ADAMTS1: variants seen among roughly 807,000 people sequenced by gnomAD.
The protein encoded by ADAMTS1 is ADAM metallopeptidase with thrombospondin type 1 motif 1, also known as A disintegrin and metalloproteinase with thrombospondin motifs 1.
Under a neutral mutation model 87.9 loss-of-function variants are expected in ADAMTS1, and 19 were observed. The ratio of observed to expected loss-of-function variants is 0.22; its 90% CI spans 0.15 to 0.32. ADAMTS1 has a LOEUF of 0.32. Ranked by LOEUF, ADAMTS1 falls within the 10% of genes least tolerant of loss-of-function variation. The pLI is 1.00. For synonymous variants in ADAMTS1, 542 were observed against 501.8 expected (o/e 1.08, Z -1.07); for missense variants, 1,240 against 1,259.1 (o/e 0.98, Z 0.23).
chr21:26,843,006 C>A (rs2830551), intron 1 of ADAMTS1: 39,974 of 320,992 alleles, frequency 0.12, 3,166 homozygotes, highest in Admixed American at 0.25. Context: ...GTAGTAAAAT[C>A]TTGGAGCAAG....
chr21:26,842,593 C>G lies in ADAMTS1; in HGVS notation c.823G>C (p.Gly275Arg), dbSNP rs745728990. 6.2e-7 allele frequency: 1 copy of G among 1,614,092 alleles called. No homozygotes were observed. The highest frequency in any genetic ancestry group is 8.5e-7 in the Non-Finnish European group (1 of 1,180,020). Residue 275 changes from glycine to arginine, a missense_variant, in exon 2 of 9, where the codon GGC (glycine) becomes CGC (arginine). Physicochemically the swap from Gly to Arg is moderately radical, Grantham distance 125 (BLOSUM62 -2). Transcript: ENST00000284984. Reference sequence around the variant, plus strand: ...AGAAGGTAATGCTTTAGACCACTGCCGTGGAATTCTGCCATCGACTGGTCT... The same window carrying G: ...AGAAGGTAATGCTTTAGACCACTGCGGTGGAATTCTGCCATCGACTGGTCT... The part of the protein sequence containing the change: ...VADQSMAEFH[G>R]SGLKHYLLTL...
At chr21:26,839,487 T>C (rs1985444683) in intron 7 of ADAMTS1, 100 bp downstream of exon 7, 2 of 1,104,964 alleles carry the variant, frequency 1.8e-6, no homozygotes, top group African/African-American at 1.6e-5. Context: ...ATTGAAGATA[T>C]GTTAATATGG....
At chr21:26,841,612 AC>A (rs1322632568) in intron 3 of ADAMTS1, 2 of 400,392 alleles carry the variant, frequency 5.0e-6, no homozygotes, top group African/African-American at 2.0e-5. Flanking sequence ...TCTTTTGCAG[AC>A]CATGTCTACT....
intron 1 of ADAMTS1, 82 bp from the exon 2 acceptor site, chr21:26,842,767 C>T: frequency 8.0e-7 from 1 of 1,244,370 alleles, no homozygotes; most frequent in Non-Finnish European, 1.1e-6. Flanking sequence ...GAAAGCCTAA[C>T]CAGTCAAAGC....
chr21:26,844,687 G>A lies in ADAMTS1; in HGVS notation c.268C>T (p.Arg90Trp). 1 of 1,594,050 alleles carries A rather than the reference G, an allele frequency of 6.3e-7. No individual in the cohort carries two copies. Among genetic ancestry groups the A allele is most frequent in the Non-Finnish European group, 8.5e-7 (1 of 1,170,818 alleles). Reference protein sequence around the residue: ...AFDQQLDLELRPDSSFLAPGF... With the variant: ...AFDQQLDLELWPDSSFLAPGF... ...GGCGCCAAAAAGCTGCTGTCGGGCC[G>A]CAGCTCCAGATCCAGCTGCTGGTCA... Residue 90 changes from arginine to tryptophan, a missense_variant, in exon 1 of 9, where the codon CGG (arginine) becomes TGG (tryptophan). Around this residue, in one of 3 missense-constraint regions of ADAMTS1, gnomAD observed 521 missense variants for 449.7 expected, o/e 1.16. Transcript: ENST00000284984.
chr21:26,836,033 T>C lies in ADAMTS1; in HGVS notation c.*1546A>G, dbSNP rs1195959111. The C allele has an allele frequency of 6.6e-6, 1 of 152,230 alleles. No homozygotes were observed. The highest frequency in any genetic ancestry group is 1.5e-5 in the Non-Finnish European group (1 of 68,036). 9.4% of individuals were successfully genotyped at this position (152,230 alleles called of 1,614,324 possible). A position where few individuals can be genotyped will look rare whatever the true frequency, so the allele number is the denominator to read the frequency against. On this transcript the variant is annotated 3_prime_UTR_variant, in exon 9 of 9. Transcript: ENST00000284984. ...AAAAGAAGTTTGCCAACCACTGATG[T>C]ATATTATTAGATACATTAGTAACAA...
In ADAMTS1 at chr21:26,842,504, C is replaced by A; in HGVS notation, c.912G>T (p.Leu304=). The A allele has an allele frequency of 6.2e-7, 1 of 1,614,188 alleles. No individual in the cohort carries two copies. Among genetic ancestry groups the A allele is most frequent in the Non-Finnish European group, 8.5e-7 (1 of 1,180,040 alleles). ...KHPSIRNSVS[L]VVVKILVIHD... ...GGATGACCAAGATCTTCACCACCAC[C>A]AGGCTAACTGAATTACGAATGCTGG... The change falls in exon 2 of 9, where the codon CTG becomes CTT. Residue 304 remains leucine, a synonymous_variant. Coordinates refer to ENST00000284984, the MANE Select transcript of ADAMTS1 (RefSeq NM_006988.5).
At chr21:26,840,231 CTT>C (rs1036395429) in intron 5 of ADAMTS1, 43 bp downstream of exon 5, 7 of 1,591,550 alleles carry the variant, frequency 4.4e-6, no homozygotes, top group Non-Finnish European at 6.0e-6. Flanking sequence ...TTTACCATCA[CTT>C]TGTTCTTTTC....
In ADAMTS1 at chr21:26,837,454, C is replaced by T. The variant is rs1047329310; in HGVS notation, c.*125G>A. The T allele has an allele frequency of 2.5e-6, 2 of 800,590 alleles. No individual in the cohort carries two copies. The highest frequency in any genetic ancestry group is 2.7e-5 in the Admixed American group (1 of 36,938). The allele number at this position is 800,590 out of a possible 1,614,324, so 49.6% of individuals were successfully genotyped here. A position where few individuals can be genotyped will look rare whatever the true frequency, so the allele number is the denominator to read the frequency against. ...CCTTTTCTATCTACCCCCATAATCC[C>T]ACCTTACTGATACACCTCACTGGTT... On this transcript the variant is annotated 3_prime_UTR_variant, in exon 9 of 9. Coordinates refer to ENST00000284984, the MANE Select transcript of ADAMTS1 (RefSeq NM_006988.5).
intron 3 of ADAMTS1, 142 bp from the exon 4 acceptor site, chr21:26,841,307 C>G (rs551378335): frequency 1.7e-5 from 13 of 784,412 alleles, no homozygotes; most frequent in Non-Finnish European, 2.6e-5. Context: ...AGTGAAACCC[C>G]GTCTCTACTA....
In ADAMTS1 at chr21:26,844,936, C is replaced by A; in HGVS notation, c.19G>T (p.Glu7Ter). Residue 7 changes from glutamate (E) to a stop codon, truncating the protein, a stop_gained, in exon 1 of 9, where the codon GAG becomes TAG. Coordinates refer to ENST00000284984, the MANE Select transcript of ADAMTS1 (RefSeq NM_006988.5). LOFTEE classifies it high-confidence loss of function. Reference protein sequence around the residue: MQRAVPEGFGRRKLGSD... With the variant: MQRAVP ...CCCAGCTTGCGCCTTCCGAACCCCTCGGGCACAGCTCGCTGCATTGGAGCC... is the reference window on the plus strand; with the variant it reads ...CCCAGCTTGCGCCTTCCGAACCCCTAGGGCACAGCTCGCTGCATTGGAGCC... 4.0e-6 allele frequency: 6 copies of A among 1,510,036 alleles called. No homozygotes were observed. The highest frequency in any genetic ancestry group is 5.3e-6 in the Non-Finnish European group (6 of 1,131,196). 93.5% of individuals were successfully genotyped at this position (1,510,036 alleles called of 1,614,324 possible).
chr21:26,844,916 C>T lies in ADAMTS1; in HGVS notation c.39G>A (p.Lys13=). The part of the protein sequence containing the change: ...RAVPEGFGRR[K]LGSDMGNAER... ...CCGCGTTCCCCATGTCGCTGCCCAG[C>T]TTGCGCCTTCCGAACCCCTCGGGCA... is the stretch of plus-strand genomic sequence containing the variant. Residue 13 remains lysine, a synonymous_variant, in exon 1 of 9, where the codon AAG becomes AAA. Transcript: ENST00000284984. 6.6e-7 allele frequency: 1 copy of T among 1,517,912 alleles called. No homozygotes were observed. Among genetic ancestry groups the T allele is most frequent in the African/African-American group, 1.4e-5 (1 of 72,218 alleles). The allele number at this position is 1,517,912 out of a possible 1,614,324, so 94.0% of individuals were successfully genotyped here. A position where few individuals can be genotyped will look rare whatever the true frequency, so the allele number is the denominator to read the frequency against.
intron 3 of ADAMTS1, 156 bp from the exon 4 acceptor site, chr21:26,841,321 A>C: frequency 4.2e-6 from 3 of 707,862 alleles, no homozygotes; most frequent in Non-Finnish European, 6.7e-6. Flanking sequence ...TCTACTAAAA[A>C]TACAAAAATT....
rs200480524 is a variant in ADAMTS1, at chr21:26,837,750, C to A, written c.2733G>T (p.Gln911His). 92 of 1,614,110 alleles carry A rather than the reference C, an allele frequency of 5.7e-5. No individual in the cohort carries two copies. The highest frequency in any genetic ancestry group is 1.0e-5 in the Non-Finnish European group (12 of 1,180,052). The change falls in exon 9 of 9, where the codon CAG becomes CAT. Residue 911 changes from glutamine to histidine, a missense_variant. Physicochemically the swap from Gln to His is conservative, Grantham distance 24. This residue lies in a region of ADAMTS1 where 402 missense variants were observed against 399.1 expected (regional missense o/e 1.01). Transcript: ENST00000284984. The stretch of plus-strand genomic sequence containing the variant: ...ATGATGACCACTCCCCCAGCTGCCA[C>A]TGGGGGCAGGGATGGTCTGCACAAG... ...TRPCADHPCPQWQLGEWSSCS... is the reference protein window; with the variant it reads ...TRPCADHPCPHWQLGEWSSCS...
chr21:26,840,964 A>G (rs1985481338), intron 4 of ADAMTS1, 34 bp downstream of exon 4: 1 of 1,590,770 alleles, frequency 6.3e-7, no homozygotes, highest in South Asian at 1.1e-5. Flanking sequence ...GAAAGGTTGG[A>G]TGCCATCTAG....
Position 26,836,134 on chromosome 21 carries a change from ATCT to A in ADAMTS1, c.*1442_*1444del, listed in dbSNP as rs1203239846. 6.6e-6 allele frequency: 1 copy of A among 152,220 alleles called. No homozygotes were observed. The highest frequency in any genetic ancestry group is 1.9e-4 in the East Asian group (1 of 5,194). The allele number at this position is 152,220 out of a possible 1,614,324, so 9.4% of individuals were successfully genotyped here. ...AAGAAATACATCTCATTAGAAAAAA[ATCT>A]TCTATTCAGCCGTCTTGCTTCACCT... On this transcript the variant is annotated 3_prime_UTR_variant, in exon 9 of 9. Transcript: ENST00000284984.
chr21:26,842,750 A>T lies in ADAMTS1; in HGVS notation c.731-65T>A, dbSNP rs1164906285. ...CCAAGAATAGTTACCTTCCTAGCAT[A>T]TATTAGGAAAGCCTAACCAGTCAAA... On this transcript the variant is annotated intron_variant, in intron 1 of 8. Transcript: ENST00000284984. 4.3e-6 allele frequency: 6 copies of T among 1,403,816 alleles called. No individual in the cohort carries two copies. In the African/African-American group the frequency reaches 8.6e-5, roughly 20 times the overall value. The allele number at this position is 1,403,816 out of a possible 1,614,324, so 87.0% of individuals were successfully genotyped here. A position where few individuals can be genotyped will look rare whatever the true frequency, so the allele number is the denominator to read the frequency against.
chr21:26,844,153 T>G, intron 1 of ADAMTS1, 72 bp downstream of exon 1: 1 of 1,492,530 alleles, frequency 6.7e-7, no homozygotes, highest in Non-Finnish European at 8.9e-7. Flanking sequence ...GAGTCTACCC[T>G]GAAGTCGCGT....
chr21:26,843,935 G>A (rs982779798), intron 1 of ADAMTS1, among the ~76,000 whole-genome samples: 1 of 152,240 alleles, frequency 6.6e-6, no homozygotes, highest in African/African-American at 2.4e-5. Context: ...AAGGTGGAAG[G>A]AGTCAGGTTA....
Sources: gnomAD v4.1 joint callset for allele counts (sites outside exome capture counted in the v4.1 genomes callset) on GRCh38, gnomAD v4.1.1 for gene constraint, gnomAD v4.1.1 regional missense constraint, MANE v1.5 for transcripts, NCBI Gene and HGNC (gene_info 2026-07-23, HGNC 2026-07-21) for gene names.